The following RERE variants were observed in gnomAD, a reference collection of about 807,000 sequenced individuals.
RERE encodes the protein arginine-glutamic acid dipeptide repeats.
A neutral mutation model predicts 146.1 loss-of-function variants in RERE; 40 were observed. The observed-to-expected ratio is 0.27, with a 90% confidence interval of 0.21 to 0.36. The LOEUF (loss-of-function observed/expected upper bound fraction) is 0.36, where lower values mean the gene tolerates loss of function less well. RERE is among the 10% of genes least tolerant of loss of function. The pLI is 1.00. For synonymous variants in RERE, 1,003 were observed against 866.0 expected (o/e 1.16, Z -2.78); for missense variants, 1,933 against 2,138.7 (o/e 0.90, Z 1.90).
rs899721883 is a variant in RERE at position 8,697,478 on chromosome 1, C to T, written c.-144-41037G>A. ...CGTGATCTCAGCTCACTGCAAGCTC[C>T]GCCTCCCAGGTTCACGTCATTCTCC... On this transcript the variant is annotated intron_variant, in intron 1 of 22. Coordinates refer to ENST00000400908, the MANE Select transcript of RERE (RefSeq NM_001042681.2). 5.3e-5 allele frequency among the ~76,000 whole-genome samples: 8 copies of T among 150,816 alleles called. No individual in the cohort carries two copies. The East Asian group carries it at 1.2e-3, about 22-fold the overall frequency.
chr1:8,582,637 G>A (rs986047454), intron 4 of RERE, among the ~76,000 whole-genome samples: 1 of 152,054 alleles, frequency 6.6e-6, no homozygotes, highest in African/African-American at 2.4e-5. Flanking sequence ...CAGGAGAATT[G>A]TTGAACCTGG....
intron 8 of RERE, among the ~76,000 whole-genome samples, chr1:8,506,005 C>T (rs775407219): frequency 1.3e-5 from 2 of 152,010 alleles, no homozygotes; most frequent in Non-Finnish European, 2.9e-5. Flanking sequence ...AAATTTGCTC[C>T]TTTTCCAAGA....
intron 10 of RERE, among the ~76,000 whole-genome samples, chr1:8,468,188 TTTA>T (rs1386992712): frequency 2.6e-5 from 4 of 152,162 alleles, no homozygotes; most frequent in Non-Finnish European, 5.9e-5. Context: ...CTTATTTATT[TTTA>T]TTATTATTTA....
intron 20 of RERE, among the ~76,000 whole-genome samples, chr1:8,357,292 G>A (rs1641332754): frequency 6.6e-6 from 1 of 152,222 alleles, no homozygotes; most frequent in African/African-American, 2.4e-5. Flanking sequence ...TCATACTGAG[G>A]CTTGTAAGGT....
intron 1 of RERE, among the ~76,000 whole-genome samples, chr1:8,769,700 C>T (rs1640908988): frequency 6.6e-6 from 1 of 152,154 alleles, no homozygotes; most frequent in African/African-American, 2.4e-5. Context: ...TGGTCTCGAA[C>T]TCCTGGACTC....
chr1:8,629,536 G>C (rs896032991), intron 2 of RERE, among the ~76,000 whole-genome samples: 2 of 152,140 alleles, frequency 1.3e-5, no homozygotes, highest in Admixed American at 1.3e-4. Flanking sequence ...CAAATCAGCA[G>C]GTTTATGTAA....
At chr1:8,666,957 T>C (rs912097496) in intron 1 of RERE, among the ~76,000 whole-genome samples, 1 of 152,204 alleles carries the variant, frequency 6.6e-6, no homozygotes, top group Admixed American at 6.5e-5. Flanking sequence ...ACGGCTTATT[T>C]AAGGAACCTA....
chr1:8,630,097 T>TA (rs1310045079), intron 2 of RERE, among the ~76,000 whole-genome samples: 4 of 152,260 alleles, frequency 2.6e-5, no homozygotes, highest in South Asian at 2.1e-4. Context: ...TATTGCAGAA[T>TA]AAAAAATCCA....
At chr1:8,508,029 G>A (rs1174145261) in intron 8 of RERE, among the ~76,000 whole-genome samples, 1 of 152,198 alleles carries the variant, frequency 6.6e-6, no homozygotes, top group African/African-American at 2.4e-5. Context: ...ATGAGCCATT[G>A]TGCCTGGCTT....
intron 7 of RERE, chr1:8,519,626 T>C (rs1645465335): frequency 1.3e-5 from 2 of 152,198 alleles, no homozygotes; most frequent in African/African-American, 4.8e-5. Flanking sequence ...TTAGGGGTCA[T>C]TAATATTATT....
chr1:8,357,215 G>C (rs138755669), intron 20 of RERE, among the ~76,000 whole-genome samples: 1 of 152,368 alleles, frequency 6.6e-6, no homozygotes, highest in African/African-American at 2.4e-5. Flanking sequence ...CATTCCAGGG[G>C]TTCAGTAAAC....
chr1:8,730,113 T>G (rs1640050967), intron 1 of RERE, among the ~76,000 whole-genome samples: 1 of 152,184 alleles, frequency 6.6e-6, no homozygotes, highest in Non-Finnish European at 1.5e-5. Context: ...AGAATGAACT[T>G]GAGGTAAATA....
At chr1:8,495,206 C>A in intron 9 of RERE, 44 bp from the exon 10 acceptor site, 11 of 1,390,886 alleles carry the variant, frequency 7.9e-6, no homozygotes, top group Non-Finnish European at 1.1e-5. Context: ...ATAGTAATAT[C>A]AGGACAGAGA....
rs1255673379 is a variant in RERE at position 8,406,748 on chromosome 1, G to A, written c.1284+15979C>T. 2.0e-5 allele frequency among the ~76,000 whole-genome samples: 3 copies of A among 152,134 alleles called. No homozygotes were observed. In the East Asian group the frequency reaches 5.8e-4, roughly 29 times the overall value. ...TTTTTGGGAGAGGGAGAATAGTTCA[G>A]AATAATTAGAACACGTTGAGAATTT... On this transcript the variant is annotated intron_variant, in intron 12 of 22. Coordinates refer to ENST00000400908, the MANE Select transcript of RERE (RefSeq NM_001042681.2).
intron 1 of RERE, among the ~76,000 whole-genome samples, chr1:8,783,327 T>G (rs1641201632): frequency 6.6e-6 from 1 of 152,150 alleles, no homozygotes; most frequent in Non-Finnish European, 1.5e-5. Context: ...AGAGTGAGAT[T>G]CTGACTAAAA....
At position 8,362,687 on chromosome 1, in the gene RERE, G is replaced by A; in HGVS notation, c.1898C>T (p.Ala633Val). Residue 633 changes from alanine to valine, a missense_variant, in exon 16 of 23, where the codon GCC becomes GTC. Physicochemically the swap from Ala to Val is moderately conservative, Grantham distance 64. Around this residue, in one of 11 missense-constraint regions of RERE, gnomAD observed 1,255 missense variants for 1,153.8 expected, o/e 1.09. Transcript: ENST00000400908. Reference protein sequence around the residue: ...DSKAETVKKSAKKVKEEASSP... With the variant: ...DSKAETVKKSVKKVKEEASSP... The stretch of plus-strand genomic sequence containing the variant: ...ACTATCCCCCCAGCACCTGACCTTG[G>A]CCGACTTCTTCACTGTCTCTGCTTT... 3 of 1,614,236 alleles carry A rather than the reference G, an allele frequency of 1.9e-6. No homozygotes were observed. The highest frequency in any genetic ancestry group is 2.5e-6 in the Non-Finnish European group (3 of 1,180,046).
intron 1 of RERE, among the ~76,000 whole-genome samples, chr1:8,661,507 A>T (rs1041341705): frequency 6.6e-6 from 1 of 152,162 alleles, no homozygotes; most frequent in African/African-American, 2.4e-5. Flanking sequence ...CCGCTGATAA[A>T]ACCTCAAGGA....
rs1064826 is a variant in RERE, at chr1:8,352,929, A to G, written c.*2158T>C. 119,503 of 152,552 alleles carry G rather than the reference A, an allele frequency of 0.78. 47,666 individuals carry two copies. The highest frequency in any genetic ancestry group is 0.93 in the East Asian group (4,810 of 5,182). The allele number at this position is 152,552 out of a possible 1,614,324, so 9.4% of individuals were successfully genotyped here. ...CTCTTCTTTGGAAAAATGGATGCCA[A>G]AGGAGGAGATAAAGAAGGTTTAACT... On this transcript the variant is annotated 3_prime_UTR_variant, in exon 23 of 23. Transcript: ENST00000400908.
chr1:8,486,889 A>G (rs1644908175), intron 10 of RERE, among the ~76,000 whole-genome samples: 1 of 152,144 alleles, frequency 6.6e-6, no homozygotes, highest in Non-Finnish European at 1.5e-5. Context: ...AAACATCTTA[A>G]GAAAACAGAA....
Sources: allele counts gnomAD v4.1 joint callset (sites outside exome capture counted in the v4.1 genomes callset), GRCh38; gene constraint gnomAD v4.1.1; regional missense constraint gnomAD v4.1.1; transcripts MANE v1.5; gene names NCBI Gene and HGNC (gene_info 2026-07-23, HGNC 2026-07-21).